Variants in MTHFD2 observed in about 807,000 individuals in gnomAD.
MTHFD2 encodes the protein bifunctional methylenetetrahydrofolate dehydrogenase/cyclohydrolase, mitochondrial.
MTHFD2 carries 26 observed loss-of-function variants against 36.8 expected under a neutral mutation model. That is an observed-to-expected ratio of 0.71 (90% CI 0.52 to 0.98). MTHFD2 has a LOEUF of 0.98. Among genes scored for constraint, MTHFD2 ranks in the 50% least tolerant of loss-of-function variants. The pLI, the probability that MTHFD2 is intolerant of heterozygous loss-of-function variation, is 0.00. For synonymous variants in MTHFD2, 164 were observed against 155.2 expected, an observed-to-expected ratio of 1.06 and a Z score of -0.42; for missense variants, 373 against 434.0, an observed-to-expected ratio of 0.86 and a Z score of 1.25.
intron 4 of MTHFD2, 147 bp from the exon 5 acceptor site, chr2:74,209,795 C>T (rs1054614873): frequency 6.8e-5 from 36 of 529,350 alleles, no homozygotes; most frequent in Admixed American, 3.7e-4. Flanking sequence ...TATGCTTTCT[C>T]CTGTTTTCTT....
rs71406865 is a variant in MTHFD2 at position 74,210,785 on chromosome 2, G to GTTTTTTTTTTTT, written c.671-408_671-397dup. 3.0e-3 allele frequency among the ~76,000 whole-genome samples: 401 copies of GTTTTTTTTTTTT among 132,002 alleles called. 15 individuals carry two copies. Among genetic ancestry groups the GTTTTTTTTTTTT allele is most frequent in the African/African-American group, 7.1e-3 (242 of 34,270 alleles). 86.6% of individuals were successfully genotyped at this position (132,002 alleles called of 152,430 possible). A position where few individuals can be genotyped will look rare whatever the true frequency, so the allele number is the denominator to read the frequency against. On this transcript the variant is annotated intron_variant, in intron 5 of 7. Transcript: ENST00000394053. ...AAACATGGCACAAGCCATTAAGTCA[G>GTTTTTTTTTTTT]TTTTTTTTTTTTTTTTTCCTGGAGA...
At chr2:74,199,298 T>A (rs886732732) in intron 1 of MTHFD2, among the ~76,000 whole-genome samples, 1 of 152,038 alleles carries the variant, frequency 6.6e-6, no homozygotes, top group Non-Finnish European at 1.5e-5. Flanking sequence ...CTGCCTCCGC[T>A]CTGCCAGGAA....
At chr2:74,208,869 T>TTTTTTTG (rs1273376596) in intron 4 of MTHFD2, 148 bp downstream of exon 4, 2 of 846,068 alleles carry the variant, frequency 2.4e-6, no homozygotes, top group South Asian at 2.1e-5. Context: ...TTAACAGTTT[T>TTTTTTTG]TTTTTTGTTT....
chr2:74,203,896 G>GT (rs1292795604), intron 1 of MTHFD2, among the ~76,000 whole-genome samples: 9 of 30,312 alleles, frequency 3.0e-4, no homozygotes, highest in Admixed American at 1.4e-3. Flanking sequence ...GTTTAGTTTA[G>GT]TTTAGTTTAG....
At chr2:74,198,855 C>A in intron 1 of MTHFD2, 113 bp downstream of exon 1, 1 of 1,036,820 alleles carries the variant, frequency 9.6e-7, no homozygotes, top group Non-Finnish European at 1.3e-6. Context: ...CATCTCCGCC[C>A]CGGCGGTGGT....
At chr2:74,199,986 A>C (rs1032722890) in intron 1 of MTHFD2, among the ~76,000 whole-genome samples, 1 of 152,180 alleles carries the variant, frequency 6.6e-6, no homozygotes, top group Non-Finnish European at 1.5e-5. Context: ...AGATGAGAAA[A>C]ACTGTTCTTA....
In MTHFD2 at chr2:74,211,961, T is replaced by G. The variant is rs528984181; in HGVS notation, c.889+95T>G. 5.7e-5 allele frequency: 65 copies of G among 1,131,734 alleles called. No homozygotes were observed. The South Asian group carries it at 1.0e-3, about 18-fold the overall frequency. The allele number at this position is 1,131,734 out of a possible 1,614,324, so 70.1% of individuals were successfully genotyped here. A position where few individuals can be genotyped will look rare whatever the true frequency, so the allele number is the denominator to read the frequency against. On this transcript the variant is annotated intron_variant, in intron 7 of 7. Coordinates refer to ENST00000394053, the MANE Select transcript of MTHFD2 (RefSeq NM_006636.4). ...ATTATTTACTTTTTTTTTTTTTTTT[T>G]TTTTTGAGATGGGAGTCTCACTCTG... is the stretch of plus-strand genomic sequence containing the variant.
At chr2:74,207,884 C>G in intron 3 of MTHFD2, 58 bp downstream of exon 3, 1 of 1,496,636 alleles carries the variant, frequency 6.7e-7, no homozygotes, top group Non-Finnish European at 9.1e-7. Flanking sequence ...TTCCCTCTCC[C>G]TCCCTCTCTC....
At chr2:74,214,041 C>T (rs1170477497) in intron 7 of MTHFD2, 38 bp from the exon 8 acceptor site, 2 of 1,596,818 alleles carry the variant, frequency 1.3e-6, no homozygotes, top group African/African-American at 1.3e-5. Flanking sequence ...TGTCCTTTGC[C>T]ATAACTAAAG....
chr2:74,211,922 G>A, intron 7 of MTHFD2, 56 bp downstream of exon 7: 2 of 1,243,824 alleles, frequency 1.6e-6, no homozygotes, highest in Non-Finnish European at 2.3e-6. Context: ...ACCTTTCATG[G>A]ACATTTAGGA....
At position 74,203,849 on chromosome 2, in the gene MTHFD2, T is replaced by TTTAGTTTAGTTTAGTTG. The variant is rs1491289254; in HGVS notation, c.102-1856_102-1855insTTAGTTTAGTTTAGTTG. 1.1e-3 allele frequency among the ~76,000 whole-genome samples: 33 copies of TTTAGTTTAGTTTAGTTG among 30,968 alleles called. No homozygotes were observed. The South Asian group carries it at 0.026, about 24-fold the overall frequency. The allele number at this position is 30,968 out of a possible 152,430, so 20.3% of individuals were successfully genotyped here. A position where few individuals can be genotyped will look rare whatever the true frequency, so the allele number is the denominator to read the frequency against. On this transcript the variant is annotated intron_variant, in intron 1 of 7. Coordinates refer to ENST00000394053, the MANE Select transcript of MTHFD2 (RefSeq NM_006636.4). ...TTAAGGAAGAGATGCTCATCTAGTTTAGTTTAGTTTAGTTTAGTTTAGTTT... is the reference window on the plus strand; with the variant it reads ...TTAAGGAAGAGATGCTCATCTAGTTTTTAGTTTAGTTTAGTTGAGTTTAGTTTAGTTTAGTTTAGTTT...
At chr2:74,213,659 G>A (rs1480752553) in intron 7 of MTHFD2, among the ~76,000 whole-genome samples, 1 of 151,932 alleles carries the variant, frequency 6.6e-6, no homozygotes, top group Non-Finnish European at 1.5e-5. Flanking sequence ...AGGTATGTAA[G>A]GATTTTCACT....
At chr2:74,210,785 G>GTTTTTTGTTTTTT (rs1694284764) in intron 5 of MTHFD2, among the ~76,000 whole-genome samples, 1 of 132,070 alleles carries the variant, frequency 7.6e-6, no homozygotes, top group Non-Finnish European at 1.6e-5. Flanking sequence ...CATTAAGTCA[G>GTTTTTTGTTTTTT]TTTTTTTTTT....
chr2:74,211,888 T>C (rs746339428), intron 7 of MTHFD2, 22 bp downstream of exon 7: 1 of 1,595,680 alleles, frequency 6.3e-7, no homozygotes. Context: ...AATTTTATTT[T>C]TAAAAATGAA....
rs1694449213 is a variant in MTHFD2, at chr2:74,216,490, C to T, written c.*2248C>T. Reference sequence around the variant, plus strand: ...TACTCTTGAATCCATAGCATTTCTACAATTTAATTTGGACAAAGTTCTATT... The same window carrying T: ...TACTCTTGAATCCATAGCATTTCTATAATTTAATTTGGACAAAGTTCTATT... On this transcript the variant is annotated 3_prime_UTR_variant, in exon 8 of 8. Coordinates refer to ENST00000394053, the MANE Select transcript of MTHFD2 (RefSeq NM_006636.4). The T allele has an allele frequency of 6.6e-6, 1 of 152,208 alleles. No individual in the cohort carries two copies. Among genetic ancestry groups the T allele is most frequent in the Non-Finnish European group, 1.5e-5 (1 of 68,040 alleles). The allele number at this position is 152,208 out of a possible 1,614,324, so 9.4% of individuals were successfully genotyped here.
In MTHFD2 at chr2:74,198,703, G is replaced by T. The variant is rs1436954552; in HGVS notation, c.62G>T (p.Cys21Phe). The T allele has an allele frequency of 6.2e-7, 1 of 1,611,392 alleles. No individual in the cohort carries two copies. Among genetic ancestry groups the T allele is most frequent in the Non-Finnish European group, 8.5e-7 (1 of 1,179,060 alleles). Residue 21 changes from cysteine to phenylalanine, a missense_variant, in exon 1 of 8, where the codon TGC becomes TTC. By Grantham distance (205) the Cys-to-Phe change is radical. This residue lies in a region of MTHFD2 where 65 missense variants were observed against 36.1 expected (regional missense o/e 1.80). Transcript: ENST00000394053. ...CGGCTGCTGCAGCCCGCGCACAGCT[G>T]CTCCCTTCGCCTTCGCCCTTTCCAC... ...AARLLQPAHS[C>F]SLRLRPFHLA... is the part of the protein sequence containing the mutation.
intron 7 of MTHFD2, among the ~76,000 whole-genome samples, chr2:74,213,369 T>C (rs1176352852): frequency 7.0e-6 from 1 of 142,062 alleles, no homozygotes; most frequent in African/African-American, 2.7e-5. Context: ...CTCTGCCTCC[T>C]GGGCTTGAGC....
chr2:74,213,218 T>C (rs1294546929), intron 7 of MTHFD2, among the ~76,000 whole-genome samples: 2 of 151,636 alleles, frequency 1.3e-5, no homozygotes, highest in Non-Finnish European at 2.9e-5. Flanking sequence ...CTTTCAGTTC[T>C]TAAGATAGAA....
chr2:74,211,680 A>G, intron 6 of MTHFD2, 61 bp from the exon 7 acceptor site: 1 of 1,488,832 alleles, frequency 6.7e-7, no homozygotes, highest in South Asian at 1.4e-5. Context: ...GAAGTTAGAC[A>G]AGAATCTGAC....
Sources: allele counts gnomAD v4.1 joint callset (sites outside exome capture counted in the v4.1 genomes callset), GRCh38; gene constraint gnomAD v4.1.1; regional missense constraint gnomAD v4.1.1; transcripts MANE v1.5; gene names NCBI Gene and HGNC (gene_info 2026-07-23, HGNC 2026-07-21).